ROR2: variants seen among roughly 807,000 people sequenced by gnomAD.
ROR2 encodes the protein ROR family WNT receptor 2, also known as tyrosine-protein kinase transmembrane receptor ROR2.
Under a neutral mutation model 74.9 loss-of-function variants are expected in ROR2, and 33 were observed. That is an observed-to-expected ratio of 0.44 (90% CI 0.33 to 0.59). The LOEUF (loss-of-function observed/expected upper bound fraction) is 0.59, where lower values mean the gene tolerates loss of function less well. Ranked by LOEUF, ROR2 falls within the 20% of genes least tolerant of loss-of-function variation. The probability of loss-of-function intolerance (pLI) is 0.02; values close to 1 mark genes in which losing one functional copy is unlikely to be tolerated. For synonymous variants in ROR2, 586 were observed against 558.7 expected (o/e 1.05, Z -0.69); for missense variants, 1,216 against 1,313.8 (o/e 0.93, Z 1.15).
In ROR2 at chr9:91,949,028, G is replaced by A. The variant is rs947850904; in HGVS notation, c.97+839C>T. ...GGATCCAAGCAGCCGAAACCGCGCA[G>A]GGACTCGGGGGAAGTGGGGCCCCGG... On this transcript the variant is annotated intron_variant, in intron 1 of 8. Transcript: ENST00000375708. The A allele has an allele frequency of 1.1e-5, 8 of 744,818 alleles. No homozygotes were observed. The African/African-American group carries it at 1.1e-4, about 11-fold the overall frequency. The allele number at this position is 744,818 out of a possible 1,614,324, so 46.1% of individuals were successfully genotyped here.
intron 7 of ROR2, among the ~76,000 whole-genome samples, chr9:91,729,089 T>A (rs1340060120): frequency 1.4e-5 from 2 of 144,764 alleles, no homozygotes; most frequent in Admixed American, 6.8e-5. Flanking sequence ...CTACTCACTG[T>A]AAAAAAAAAA....
intron 1 of ROR2, among the ~76,000 whole-genome samples, chr9:91,839,441 G>A (rs1472496337): frequency 6.6e-6 from 1 of 151,256 alleles, no homozygotes; most frequent in Admixed American, 6.6e-5. Flanking sequence ...TGTGGTGTGG[G>A]GTGTCTATGT....
chr9:91,760,588 C>G (rs1371795004), intron 2 of ROR2, among the ~76,000 whole-genome samples: 2 of 150,442 alleles, frequency 1.3e-5, no homozygotes, highest in African/African-American at 4.9e-5. Context: ...GAGCCGAGAT[C>G]GCGCCACTGC....
At chr9:91,767,098 C>T (rs1460506444) in intron 2 of ROR2, among the ~76,000 whole-genome samples, 1 of 143,732 alleles carries the variant, frequency 7.0e-6, no homozygotes, top group Non-Finnish European at 1.5e-5. Context: ...TTTTTTGAGG[C>T]GGAGGCTCGC....
intron 1 of ROR2, among the ~76,000 whole-genome samples, chr9:91,837,724 A>G (rs1250451478): frequency 6.6e-6 from 1 of 152,240 alleles, no homozygotes; most frequent in African/African-American, 2.4e-5. Flanking sequence ...CCACTTGTGC[A>G]TAAGAAAATT....
chr9:91,930,808 T>C (rs1362463289), intron 1 of ROR2, among the ~76,000 whole-genome samples: 2 of 152,212 alleles, frequency 1.3e-5, no homozygotes, highest in Non-Finnish European at 2.9e-5. Flanking sequence ...AAACGTTTAA[T>C]GGATGAAAAT....
At chr9:91,755,295 T>A (rs1564253447) in intron 4 of ROR2, among the ~76,000 whole-genome samples, 1 of 152,130 alleles carries the variant, frequency 6.6e-6, no homozygotes, top group Non-Finnish European at 1.5e-5. Flanking sequence ...GAAACAGAAA[T>A]CAGCCAACAC....
At position 91,903,335 on chromosome 9, in the gene ROR2, C is replaced by G. The variant is rs138716630; in HGVS notation, c.97+46532G>C. ...ACCCCAACCCGCTGGCTTCCCCTGC[C>G]CAAGAAAGTCTGGGAAGGGTGATCT... On this transcript the variant is annotated intron_variant, in intron 1 of 8. Transcript: ENST00000375708. Among the ~76,000 whole-genome samples the G allele has an allele frequency of 4.2e-3, 640 of 152,096 alleles. 4 individuals are homozygous for G. The highest frequency in any genetic ancestry group is 0.015 in the African/African-American group (617 of 41,484).
At position 91,837,576 on chromosome 9, in the gene ROR2, G is replaced by T. The variant is rs1025990567; in HGVS notation, c.98-61758C>A. Reference sequence around the variant, plus strand: ...TTATGAACACTACCCAAAGGTAAGCGATCTTAAGGGGCTTGGGGAAGAAGG... The same window carrying T: ...TTATGAACACTACCCAAAGGTAAGCTATCTTAAGGGGCTTGGGGAAGAAGG... On this transcript the variant is annotated intron_variant, in intron 1 of 8. Transcript: ENST00000375708. 2.0e-5 allele frequency among the ~76,000 whole-genome samples: 3 copies of T among 152,188 alleles called. No homozygotes were observed. In the East Asian group the frequency reaches 5.8e-4, roughly 29 times the overall value.
At chr9:91,753,102 C>G (rs1825639752) in intron 4 of ROR2, among the ~76,000 whole-genome samples, 2 of 152,148 alleles carry the variant, frequency 1.3e-5, no homozygotes. Context: ...CCTAAAAATT[C>G]ATTGTAATTC....
At chr9:91,753,540 C>T (rs965451651) in intron 4 of ROR2, among the ~76,000 whole-genome samples, 1 of 152,190 alleles carries the variant, frequency 6.6e-6, no homozygotes, top group African/African-American at 2.4e-5. Context: ...AAAGGGGATG[C>T]CTGTGCCCCT....
Position 91,748,276 on chromosome 9 carries a change from C to CAA in ROR2, c.494+7793_494+7794dup, listed in dbSNP as rs528004025. ...TGGGCGAAAAAGCGAGACGCTGTCT[C>CAA]AAAAAAAAAAAAATGCCAAAGAGAA... On this transcript the variant is annotated intron_variant, in intron 4 of 8. Coordinates refer to ENST00000375708, the MANE Select transcript of ROR2 (RefSeq NM_004560.4). 2.9e-4 allele frequency among the ~76,000 whole-genome samples: 39 copies of CAA among 134,948 alleles called. 1 individual carries two copies. Among genetic ancestry groups the CAA allele is most frequent in the Admixed American group, 9.8e-4 (13 of 13,230 alleles). The allele number at this position is 134,948 out of a possible 152,430, so 88.5% of individuals were successfully genotyped here.
At chr9:91,901,653 T>C (rs1830679654) in intron 1 of ROR2, among the ~76,000 whole-genome samples, 1 of 151,838 alleles carries the variant, frequency 6.6e-6, no homozygotes, top group Non-Finnish European at 1.5e-5. Context: ...CCATCTCTAC[T>C]AAAAATACAA....
At chr9:91,866,160 C>T (rs969393668) in intron 1 of ROR2, among the ~76,000 whole-genome samples, 4 of 152,118 alleles carry the variant, frequency 2.6e-5, no homozygotes, top group East Asian at 3.9e-4. Context: ...CGCTCTGTCA[C>T]CCAGGCTGGA....
In ROR2 at chr9:91,723,583, G is replaced by T; in HGVS notation, c.*79C>A. ...CGGGCTCTTGTGATTGCTGAGTATG[G>T]TGTCTTCTCAAAGGTGACTGAGGTC... is the stretch of plus-strand genomic sequence containing the variant. On this transcript the variant is annotated 3_prime_UTR_variant, in exon 9 of 9. Transcript: ENST00000375708. 2 of 1,568,204 alleles carry T rather than the reference G, an allele frequency of 1.3e-6. No homozygotes were observed. Among genetic ancestry groups the T allele is most frequent in the Non-Finnish European group, 1.7e-6 (2 of 1,158,778 alleles).
chr9:91,749,118 A>C (rs962207903), intron 4 of ROR2, among the ~76,000 whole-genome samples: 4 of 152,232 alleles, frequency 2.6e-5, no homozygotes, highest in African/African-American at 9.6e-5. Flanking sequence ...GTTCTCCCCT[A>C]ATCAATCAAA....
intron 1 of ROR2, among the ~76,000 whole-genome samples, chr9:91,917,614 G>A (rs1378893933): frequency 6.6e-6 from 1 of 152,200 alleles, no homozygotes; most frequent in Non-Finnish European, 1.5e-5. Flanking sequence ...TCCCCACAGC[G>A]GGCACAGATC....
At chr9:91,759,613 T>G (rs1825854080) in intron 2 of ROR2, among the ~76,000 whole-genome samples, 1 of 152,332 alleles carries the variant, frequency 6.6e-6, no homozygotes, top group Admixed American at 6.5e-5. Context: ...ATGCAGTATC[T>G]AATCTGCTGT....
rs555267732 is a variant in ROR2, at chr9:91,936,540, G to A, written c.97+13327C>T. 2.5e-4 allele frequency among the ~76,000 whole-genome samples: 38 copies of A among 152,250 alleles called. No homozygotes were observed. The South Asian group carries it at 6.2e-3, about 25-fold the overall frequency. Reference sequence around the variant, plus strand: ...TGTAAAGACTCTTTCTCCAAATAAGGTTACATTCTGAGGTACTGGAAGTTA... The same window carrying A: ...TGTAAAGACTCTTTCTCCAAATAAGATTACATTCTGAGGTACTGGAAGTTA... On this transcript the variant is annotated intron_variant, in intron 1 of 8. Coordinates refer to ENST00000375708, the MANE Select transcript of ROR2 (RefSeq NM_004560.4).
Sources: allele counts gnomAD v4.1 joint callset (sites outside exome capture counted in the v4.1 genomes callset), GRCh38; gene constraint gnomAD v4.1.1; transcripts MANE v1.5; gene names NCBI Gene and HGNC (gene_info 2026-07-23, HGNC 2026-07-21).